The following MTOR variants were observed in gnomAD, a reference collection of about 807,000 sequenced individuals.
MTOR encodes the protein mechanistic target of rapamycin kinase, also known as serine/threonine-protein kinase mTOR.
A neutral mutation model predicts 319.8 loss-of-function variants in MTOR; 70 were observed. The ratio of observed to expected loss-of-function variants is 0.22; its 90% confidence interval spans 0.18 to 0.27. MTOR has a LOEUF of 0.27. Among genes scored for constraint, MTOR ranks in the 10% least tolerant of loss-of-function variants. The pLI is 1.00. For synonymous variants in MTOR, 1,183 were observed against 1,211.4 expected, an observed-to-expected ratio of 0.98 and a Z score of 0.49; for missense variants, 1,890 against 3,274.4, an observed-to-expected ratio of 0.58 and a Z score of 10.32.
intron 26 of MTOR, 34 bp downstream of exon 26, chr1:11,204,527 G>C (rs1343314984): frequency 1.9e-6 from 3 of 1,592,016 alleles, no homozygotes; most frequent in Non-Finnish European, 2.6e-6. Flanking sequence ...TTTTCTATGT[G>C]CTGATCTTCT....
At chr1:11,176,268 CCTT>C (rs1429687422) in intron 28 of MTOR, among the ~76,000 whole-genome samples, 1 of 152,178 alleles carries the variant, frequency 6.6e-6, no homozygotes, top group African/African-American at 2.4e-5. Flanking sequence ...GGCAGTGCCT[CCTT>C]GAGTGGCCCA....
In MTOR at chr1:11,245,953, C is replaced by T. The variant is rs183657962; in HGVS notation, c.1225+1672G>A. ...GTATAATTTTCTTTCCTGGATTTAGCATCCTGAGATTAGAAATCTGACTGT... is the reference window on the plus strand; with the variant it reads ...GTATAATTTTCTTTCCTGGATTTAGTATCCTGAGATTAGAAATCTGACTGT... On this transcript the variant is annotated intron_variant, in intron 8 of 57. Coordinates refer to ENST00000361445, the MANE Select transcript of MTOR (RefSeq NM_004958.4). Among the ~76,000 whole-genome samples, 282 of 152,238 alleles carry T rather than the reference C, an allele frequency of 1.9e-3. 3 individuals are homozygous for T. Among genetic ancestry groups the T allele is most frequent in the African/African-American group, 6.5e-3 (272 of 41,534 alleles).
chr1:11,179,848 GAC>G (rs1417911458), intron 28 of MTOR, among the ~76,000 whole-genome samples: 2 of 152,222 alleles, frequency 1.3e-5, no homozygotes, highest in African/African-American at 2.4e-5. Context: ...TTCTACAAAG[GAC>G]ACAGATTCTT....
At chr1:11,254,200 C>T (rs1034499797) in intron 5 of MTOR, among the ~76,000 whole-genome samples, 4 of 151,790 alleles carry the variant, frequency 2.6e-5, no homozygotes, top group African/African-American at 7.3e-5. Context: ...AGTGCAGTGG[C>T]GCAATCTCGG....
At chr1:11,171,088 G>T (rs1644798953) in intron 28 of MTOR, among the ~76,000 whole-genome samples, 2 of 150,476 alleles carry the variant, frequency 1.3e-5, no homozygotes, top group South Asian at 4.2e-4. Context: ...CCAGCTACTC[G>T]GGAGGCTGAG....
At chr1:11,238,766 C>T (rs978787570) in intron 11 of MTOR, 149 bp from the exon 12 acceptor site, 49 of 477,094 alleles carry the variant, frequency 1.0e-4, no homozygotes, top group Admixed American at 1.1e-4. Flanking sequence ...CGGAACTCTT[C>T]TTTTTTTTTT....
chr1:11,165,320 G>C (rs1301519891), intron 29 of MTOR, among the ~76,000 whole-genome samples: 2 of 152,182 alleles, frequency 1.3e-5, no homozygotes, highest in African/African-American at 4.8e-5. Context: ...GTTTGCAGGT[G>C]ACATGATTGT....
At chr1:11,184,749 TA>T (rs943117691) in intron 28 of MTOR, among the ~76,000 whole-genome samples, 4 of 151,098 alleles carry the variant, frequency 2.6e-5, no homozygotes, top group Admixed American at 6.6e-5. Context: ...AAATAAAAAA[TA>T]AAAAAAAATT....
intron 26 of MTOR, among the ~76,000 whole-genome samples, chr1:11,201,375 A>T (rs1645963855): frequency 6.6e-6 from 1 of 152,256 alleles, no homozygotes; most frequent in African/African-American, 2.4e-5. Context: ...GGGAAGTCCT[A>T]GAAACTATTT....
intron 23 of MTOR, among the ~76,000 whole-genome samples, chr1:11,211,539 TAA>T (rs891130872): frequency 1.3e-5 from 2 of 152,192 alleles, no homozygotes; most frequent in African/African-American, 4.8e-5. Flanking sequence ...GGCTAAGTTT[TAA>T]ATTTTTTTGT....
chr1:11,162,476 T>A (rs1281306658), intron 29 of MTOR, among the ~76,000 whole-genome samples: 1 of 152,168 alleles, frequency 6.6e-6, no homozygotes, highest in African/African-American at 2.4e-5. Flanking sequence ...CCAAGGCACA[T>A]AATTGTCAGA....
At chr1:11,114,742 A>G in intron 52 of MTOR, 71 bp downstream of exon 52, 1 of 1,454,486 alleles carries the variant, frequency 6.9e-7, no homozygotes, top group Non-Finnish European at 9.6e-7. Flanking sequence ...GGGCTCTAAC[A>G]AGCGTGTTCT....
chr1:11,136,531 A>G (rs942012167), intron 36 of MTOR, among the ~76,000 whole-genome samples: 4 of 152,058 alleles, frequency 2.6e-5, no homozygotes, highest in Admixed American at 6.5e-5. Flanking sequence ...AGGGTCTCTC[A>G]CTCTGTTACC....
At chr1:11,258,066 C>T (rs1376621765) in intron 3 of MTOR, among the ~76,000 whole-genome samples, 1 of 149,626 alleles carries the variant, frequency 6.7e-6, no homozygotes, top group Non-Finnish European at 1.5e-5. Context: ...GCCAAGATTG[C>T]ACCACTGAAC....
intron 28 of MTOR, among the ~76,000 whole-genome samples, chr1:11,168,114 G>T (rs996018259): frequency 2.1e-4 from 32 of 151,232 alleles, no homozygotes; most frequent in African/African-American, 7.0e-4. Flanking sequence ...CTCAGACGCC[G>T]GCAGGCAGGC....
intron 12 of MTOR, 148 bp downstream of exon 12, chr1:11,238,254 C>G (rs1647478541): frequency 1.1e-6 from 1 of 933,432 alleles, no homozygotes; most frequent in South Asian, 1.6e-5. Flanking sequence ...CTACAGTAGC[C>G]ATGCCTAACA....
chr1:11,194,762 T>C, intron 28 of MTOR: 1 of 1,597,502 alleles, frequency 6.3e-7, no homozygotes, highest in South Asian at 1.1e-5. Flanking sequence ...ATTCCGGTTT[T>C]GGTATTCTTT....
intron 28 of MTOR, among the ~76,000 whole-genome samples, chr1:11,172,031 A>AG (rs1644831208): frequency 7.6e-6 from 1 of 130,810 alleles, no homozygotes; most frequent in Non-Finnish European, 1.7e-5. Flanking sequence ...ACTCCATCTC[A>AG]AAAAAAAAAA....
At chr1:11,246,440 C>T (rs1648832831) in intron 8 of MTOR, among the ~76,000 whole-genome samples, 1 of 152,144 alleles carries the variant, frequency 6.6e-6, no homozygotes, top group Non-Finnish European at 1.5e-5. Context: ...GGTGCCAGGC[C>T]AGAACAATAG....
Sources: allele counts gnomAD v4.1 joint callset (sites outside exome capture counted in the v4.1 genomes callset), GRCh38; gene constraint gnomAD v4.1.1; transcripts MANE v1.5; gene names NCBI Gene and HGNC (gene_info 2026-07-23, HGNC 2026-07-21).